CTIF: variants seen among roughly 807,000 people sequenced by gnomAD.
The protein encoded by CTIF is CBP80/20-dependent translation initiation factor.
In CTIF, 21 loss-of-function variants were observed where a neutral mutation model predicts 66.0. The ratio of observed to expected loss-of-function variants is 0.32; its 90% CI spans 0.23 to 0.46. The LOEUF is 0.46. CTIF is among the 20% of genes least tolerant of loss of function. CTIF has a pLI of 1.00. For missense variants in CTIF, 739 were observed against 812.7 expected (o/e 0.91, Z 1.10); for synonymous variants, 345 against 326.4 (o/e 1.06, Z -0.62).
intron 10 of CTIF, chr18:48,826,773 G>A (rs2068590477): frequency 6.6e-6 from 1 of 152,224 alleles, no homozygotes; most frequent in Admixed American, 6.5e-5. Context: ...GCTTCTTATT[G>A]AACTGCGAAG....
At chr18:48,801,657 T>C (rs2068051962) in intron 9 of CTIF, among the ~76,000 whole-genome samples, 1 of 151,802 alleles carries the variant, frequency 6.6e-6, no homozygotes, top group Non-Finnish European at 1.5e-5. Flanking sequence ...GTAACGCCTG[T>C]GTATTCATCT....
intron 1 of CTIF, among the ~76,000 whole-genome samples, chr18:48,584,806 A>T (rs1403728055): frequency 6.6e-6 from 1 of 152,204 alleles, no homozygotes; most frequent in Non-Finnish European, 1.5e-5. Flanking sequence ...TCCTTTAGCC[A>T]TCAATGTTTT....
chr18:48,619,728 C>A lies in CTIF; in HGVS notation c.163C>A (p.Gln55Lys), dbSNP rs765148616. 2 of 1,599,814 alleles carry A rather than the reference C, an allele frequency of 1.3e-6. No individual in the cohort carries two copies. Among genetic ancestry groups the A allele is most frequent in the Admixed American group, 3.4e-5 (2 of 58,058 alleles). The change falls in exon 2 of 12, where the codon CAG becomes AAG. Residue 55 changes from glutamine to lysine, a missense_variant. Transcript: ENST00000256413. ...GGGTGATGGCGAGAGCGAGAGGACCCAGTCCCACATCTCCCAGGTGAGCGC... is the reference window on the plus strand; with the variant it reads ...GGGTGATGGCGAGAGCGAGAGGACCAAGTCCCACATCTCCCAGGTGAGCGC... ...TEGDGESERT[Q>K]SHISQWTADC...
intron 10 of CTIF, chr18:48,826,152 G>C (rs1444050105): frequency 1.3e-5 from 2 of 152,156 alleles, no homozygotes; most frequent in African/African-American, 2.4e-5. Context: ...TCATCCTGTG[G>C]CTTTGTTTTC....
intron 6 of CTIF, among the ~76,000 whole-genome samples, chr18:48,693,619 T>A (rs566678837): frequency 6.6e-6 from 1 of 152,010 alleles, no homozygotes; most frequent in South Asian, 2.1e-4. Context: ...TGGGTACCTA[T>A]CCAAGGCAGA....
intron 7 of CTIF, among the ~76,000 whole-genome samples, chr18:48,722,347 C>G (rs1207175845): frequency 6.6e-6 from 1 of 151,708 alleles, no homozygotes; most frequent in Non-Finnish European, 1.5e-5. Context: ...TCCCAAGTAA[C>G]TGGGACCACA....
At chr18:48,794,351 C>T (rs2067861791) in intron 9 of CTIF, among the ~76,000 whole-genome samples, 1 of 152,196 alleles carries the variant, frequency 6.6e-6, no homozygotes, top group Admixed American at 6.5e-5. Context: ...CACAGCAGTG[C>T]TGGAAAGACA....
intron 10 of CTIF, among the ~76,000 whole-genome samples, chr18:48,835,283 C>T (rs1414363626): frequency 1.3e-5 from 2 of 152,190 alleles, no homozygotes; most frequent in Non-Finnish European, 2.9e-5. Flanking sequence ...CCAGCCTCAA[C>T]CTCAAAAGCC....
intron 5 of CTIF, among the ~76,000 whole-genome samples, chr18:48,668,108 G>A (rs1204860514): frequency 1.3e-5 from 2 of 152,220 alleles, no homozygotes; most frequent in African/African-American, 2.4e-5. Context: ...GGGGAGATCT[G>A]AGCCCTGACG....
chr18:48,784,014 A>G (rs752665313), intron 9 of CTIF, among the ~76,000 whole-genome samples: 1 of 152,120 alleles, frequency 6.6e-6, no homozygotes, highest in Non-Finnish European at 1.5e-5. Context: ...GGCCTTTTCC[A>G]CACCAAGATT....
intron 9 of CTIF, among the ~76,000 whole-genome samples, chr18:48,764,408 C>T (rs1173171887): frequency 6.6e-6 from 1 of 152,174 alleles, no homozygotes; most frequent in Non-Finnish European, 1.5e-5. Flanking sequence ...CCGTTACTGC[C>T]CCCCATCTTG....
At chr18:48,557,960 T>G (rs1162599407) in intron 1 of CTIF, among the ~76,000 whole-genome samples, 1 of 152,262 alleles carries the variant, frequency 6.6e-6, no homozygotes, top group Non-Finnish European at 1.5e-5. Context: ...CCAAACATAT[T>G]TATGCTGGGG....
At chr18:48,783,856 C>T (rs974879522) in intron 9 of CTIF, among the ~76,000 whole-genome samples, 3 of 152,150 alleles carry the variant, frequency 2.0e-5, no homozygotes, top group African/African-American at 4.8e-5. Context: ...TCCACCGAGC[C>T]CCAGAGGCAC....
At chr18:48,818,590 G>A (rs979053105) in intron 10 of CTIF, among the ~76,000 whole-genome samples, 10 of 152,050 alleles carry the variant, frequency 6.6e-5, no homozygotes, top group Admixed American at 1.3e-4. Flanking sequence ...GGGAAGTATC[G>A]ATATGCACCT....
At chr18:48,669,083 C>T (rs1439054400) in intron 5 of CTIF, among the ~76,000 whole-genome samples, 1 of 152,166 alleles carries the variant, frequency 6.6e-6, no homozygotes, top group Non-Finnish European at 1.5e-5. Flanking sequence ...ACTTTTATGA[C>T]ACCGATCTCG....
chr18:48,696,172 C>T (rs535839356), intron 6 of CTIF, among the ~76,000 whole-genome samples: 1 of 152,336 alleles, frequency 6.6e-6, no homozygotes, highest in African/African-American at 2.4e-5. Context: ...AAGCTTAGGG[C>T]TCTGGCATGG....
At chr18:48,572,103 C>G (rs1317790922) in intron 1 of CTIF, among the ~76,000 whole-genome samples, 1 of 151,972 alleles carries the variant, frequency 6.6e-6, no homozygotes, top group Non-Finnish European at 1.5e-5. Flanking sequence ...TCCTTCTCCT[C>G]CTTCCCCTCC....
intron 2 of CTIF, among the ~76,000 whole-genome samples, chr18:48,635,895 G>A (rs1373724606): frequency 6.6e-6 from 1 of 152,170 alleles, no homozygotes; most frequent in African/African-American, 2.4e-5. Context: ...AGATCACATG[G>A]ATTTCTGTGG....
chr18:48,706,797 C>T (rs994700478), intron 6 of CTIF, among the ~76,000 whole-genome samples: 1 of 152,206 alleles, frequency 6.6e-6, no homozygotes, highest in Non-Finnish European at 1.5e-5. Flanking sequence ...GTGTGTTCCA[C>T]GTGTACTCTG....
Sources: allele counts gnomAD v4.1 joint callset (sites outside exome capture counted in the v4.1 genomes callset), GRCh38; gene constraint gnomAD v4.1.1; transcripts MANE v1.5; gene names NCBI Gene and HGNC (gene_info 2026-07-23, HGNC 2026-07-21).